CNTN4: variants seen among roughly 807,000 people sequenced by gnomAD.
CNTN4 encodes the protein contactin 4, also known as contactin-4.
In CNTN4, 77 loss-of-function variants were observed where a neutral mutation model predicts 122.5. The ratio of observed to expected loss-of-function variants is 0.63; its 90% CI spans 0.52 to 0.76. The LOEUF is 0.76. CNTN4 is among the 30% of genes least tolerant of loss of function. CNTN4 has a pLI of 0.00. For missense variants in CNTN4, 1,256 were observed against 1,259.1 expected (o/e 1.00, Z 0.04); for synonymous variants, 512 against 447.0 (o/e 1.15, Z -1.83).
At chr3:2,191,698 A>ATC (rs1215939023) in intron 2 of CNTN4, among the ~76,000 whole-genome samples, 1 of 30,550 alleles carries the variant, frequency 3.3e-5, no homozygotes, top group Non-Finnish European at 8.3e-5. Context: ...TTCTATGTAT[A>ATC]TATATATATA....
At chr3:2,721,913 A>C (rs548834420) in intron 4 of CNTN4, among the ~76,000 whole-genome samples, 1 of 152,294 alleles carries the variant, frequency 6.6e-6, no homozygotes, top group South Asian at 2.1e-4. Context: ...ATTAGCACCC[A>C]TGTAAGAGAA....
At chr3:2,617,277 A>G (rs903005050) in intron 4 of CNTN4, among the ~76,000 whole-genome samples, 1 of 152,140 alleles carries the variant, frequency 6.6e-6, no homozygotes, top group African/African-American at 2.4e-5. Flanking sequence ...TCTACAAGGA[A>G]CTTGAACAAA....
intron 3 of CNTN4, among the ~76,000 whole-genome samples, chr3:2,469,640 G>A (rs553156425): frequency 3.0e-4 from 45 of 152,254 alleles, no homozygotes; most frequent in Non-Finnish European, 5.7e-4. Flanking sequence ...GCTGTTTGGA[G>A]GGAATGGCCA....
chr3:2,449,614 CAAAAAAA>C (rs34181793), intron 3 of CNTN4, among the ~76,000 whole-genome samples: 1 of 126,042 alleles, frequency 7.9e-6, no homozygotes, highest in Admixed American at 8.4e-5. Flanking sequence ...GACTCCATCT[CAAAAAAA>C]AAAAAAAAAA....
At chr3:2,747,280 G>C (rs554952681) in intron 6 of CNTN4, among the ~76,000 whole-genome samples, 8 of 148,422 alleles carry the variant, frequency 5.4e-5, no homozygotes, top group African/African-American at 7.8e-5. Context: ...GCAGTGGCAG[G>C]TGCCTGTAGT....
intron 4 of CNTN4, among the ~76,000 whole-genome samples, chr3:2,712,317 C>G (rs943954445): frequency 7.9e-5 from 12 of 151,998 alleles, no homozygotes; most frequent in Non-Finnish European, 1.6e-4. Context: ...AAATATATAG[C>G]CACGAAAATA....
intron 7 of CNTN4, among the ~76,000 whole-genome samples, chr3:2,852,999 A>G (rs1434962047): frequency 2.6e-5 from 4 of 152,202 alleles, no homozygotes; most frequent in Non-Finnish European, 5.9e-5. Flanking sequence ...AACTATTTTA[A>G]GTGGTACCAG....
At chr3:2,936,590 C>G (rs2094569276) in intron 13 of CNTN4, among the ~76,000 whole-genome samples, 1 of 152,144 alleles carries the variant, frequency 6.6e-6, no homozygotes, top group African/African-American at 2.4e-5. Context: ...CCTTTACCCT[C>G]AGTTTTTGAG....
chr3:2,543,467 G>C (rs2078111485), intron 3 of CNTN4, among the ~76,000 whole-genome samples: 1 of 152,074 alleles, frequency 6.6e-6, no homozygotes, highest in Non-Finnish European at 1.5e-5. Flanking sequence ...CCTGGGATTT[G>C]GGCCCTGGGA....
In CNTN4 at chr3:2,761,256, G is replaced by C. The variant is rs552814360; in HGVS notation, c.358+15559G>C. Among the ~76,000 whole-genome samples, 306 of 152,258 alleles carry C rather than the reference G, an allele frequency of 2.0e-3. 2 individuals carry two copies. The highest frequency in any genetic ancestry group is 7.1e-3 in the African/African-American group (295 of 41,558). On this transcript the variant is annotated intron_variant, in intron 6 of 24. Transcript: ENST00000418658. ...GTCTTTCAGTCTTCCTGTTGGCCTT[G>C]TACTTGCTATTCCCTTTATCTAGGA...
Position 2,883,180 on chromosome 3 carries a change from C to A in CNTN4, c.688C>A (p.Gln230Lys), listed in dbSNP as rs1385397165. 6.2e-7 allele frequency: 1 copy of A among 1,613,714 alleles called. No individual in the cohort carries two copies. The highest frequency in any genetic ancestry group is 1.7e-5 in the Admixed American group (1 of 59,994). Residue 230 changes from glutamine to lysine, a missense_variant, in exon 9 of 25, where the codon CAG becomes AAG. By Grantham distance (53) the Gln-to-Lys change is moderately conservative. Coordinates refer to ENST00000418658, the MANE Select transcript of CNTN4 (RefSeq NM_175607.3). Reference protein sequence around the residue: ...MGEYEPKIEVQFPETVPTAKG... With the variant: ...MGEYEPKIEVKFPETVPTAKG... ...TGAATATGAGCCCAAAATAGAAGTG[C>A]AGTTCCCAGAAACAGTTCCGACTGC...
intron 3 of CNTN4, among the ~76,000 whole-genome samples, chr3:2,390,437 A>G (rs766579202): frequency 1.3e-5 from 2 of 152,130 alleles, no homozygotes; most frequent in African/African-American, 2.4e-5. Flanking sequence ...AGAGGGCAAA[A>G]TAGCCACACA....
chr3:2,910,965 T>C (rs2151220293), intron 12 of CNTN4, among the ~76,000 whole-genome samples: 1 of 152,128 alleles, frequency 6.6e-6, no homozygotes, highest in East Asian at 1.9e-4. Context: ...TGTAGAAAAA[T>C]TTATGGCACT....
At chr3:2,731,357 G>A (rs962858294) in intron 4 of CNTN4, among the ~76,000 whole-genome samples, 1 of 152,096 alleles carries the variant, frequency 6.6e-6, no homozygotes, top group Non-Finnish European at 1.5e-5. Flanking sequence ...ACCGTGGTAT[G>A]GAACTTTGCA....
intron 4 of CNTN4, among the ~76,000 whole-genome samples, chr3:2,701,772 T>C (rs973631293): frequency 2.0e-5 from 3 of 152,146 alleles, no homozygotes; most frequent in African/African-American, 7.2e-5. Flanking sequence ...TTCATGGCTG[T>C]TTTCAGGAAT....
chr3:2,978,385 G>C (rs1186168688), intron 13 of CNTN4, among the ~76,000 whole-genome samples: 3 of 152,130 alleles, frequency 2.0e-5, no homozygotes, highest in African/African-American at 7.2e-5. Context: ...AGGCCTGCAG[G>C]GGCCTGGTAG....
chr3:2,407,099 AC>A lies in CNTN4; in HGVS notation c.-89+67867del, dbSNP rs1205019396. Among the ~76,000 whole-genome samples the A allele has an allele frequency of 6.6e-5, 10 of 152,202 alleles. No individual in the cohort carries two copies. The East Asian group carries it at 1.9e-3, about 29-fold the overall frequency. On this transcript the variant is annotated intron_variant, in intron 3 of 24. Coordinates refer to ENST00000418658, the MANE Select transcript of CNTN4 (RefSeq NM_175607.3). The stretch of plus-strand genomic sequence containing the variant: ...TCTAACTCACATATTGAAGTGAACA[AC>A]TTTTATTTAGGGAGTTTTTATACAA...
intron 4 of CNTN4, among the ~76,000 whole-genome samples, chr3:2,652,921 T>A (rs928520728): frequency 2.0e-5 from 3 of 152,148 alleles, no homozygotes; most frequent in African/African-American, 7.2e-5. Context: ...TGCTTGTAAA[T>A]CCTTGTCCTT....
At chr3:2,822,841 C>CTTG (rs2092906513) in intron 7 of CNTN4, among the ~76,000 whole-genome samples, 2 of 152,094 alleles carry the variant, frequency 1.3e-5, no homozygotes, top group Non-Finnish European at 2.9e-5. Flanking sequence ...CTCTGAAATC[C>CTTG]AGTTCCTTGA....
Sources: gnomAD v4.1 joint callset for allele counts (sites outside exome capture counted in the v4.1 genomes callset) on GRCh38, gnomAD v4.1.1 for gene constraint, MANE v1.5 for transcripts, NCBI Gene and HGNC (gene_info 2026-07-23, HGNC 2026-07-21) for gene names.